NRG4: variants seen among roughly 807,000 people sequenced by gnomAD.
The protein encoded by NRG4 is neuregulin 4.
Under a neutral mutation model 15.0 loss-of-function variants are expected in NRG4, and 10 were observed. The observed-to-expected ratio is 0.67, with a 90% CI of 0.41 to 1.13. The LOEUF (loss-of-function observed/expected upper bound fraction) is 1.13. Among genes scored for constraint, NRG4 ranks in the 50% most tolerant of loss-of-function variants. NRG4 has a pLI of 0.00. For missense variants in NRG4, 139 were observed against 140.2 expected, an observed-to-expected ratio of 0.99 and a Z score of 0.04; for synonymous variants, 41 against 50.1, an observed-to-expected ratio of 0.82 and a Z score of 0.77.
intron 5 of NRG4, among the ~76,000 whole-genome samples, chr15:75,951,388 G>A (rs2031896853): frequency 6.6e-6 from 1 of 151,854 alleles, no homozygotes; most frequent in South Asian, 2.1e-4. Flanking sequence ...GGCTGATCTT[G>A]AACTCCTGAC....
At chr15:75,992,280 T>C (rs1034185541) in intron 3 of NRG4, among the ~76,000 whole-genome samples, 2 of 152,182 alleles carry the variant, frequency 1.3e-5, no homozygotes, top group African/African-American at 4.8e-5. Flanking sequence ...GACAGTTTTA[T>C]ATTTACGCAT....
At chr15:76,022,769 T>C (rs914506844) in intron 5 of NRG4, among the ~76,000 whole-genome samples, 6 of 152,154 alleles carry the variant, frequency 3.9e-5, no homozygotes, top group African/African-American at 1.4e-4. Context: ...CTTTGAAAGC[T>C]TTTTAGCAAG....
intron 3 of NRG4, among the ~76,000 whole-genome samples, chr15:76,003,098 C>G (rs924196555): frequency 6.6e-6 from 1 of 151,990 alleles, no homozygotes; most frequent in African/African-American, 2.4e-5. Context: ...TTCAAAGGAA[C>G]AAAATTGTAA....
intron 3 of NRG4, among the ~76,000 whole-genome samples, chr15:75,984,729 A>G (rs192975391): frequency 1.3e-5 from 2 of 152,308 alleles, no homozygotes; most frequent in African/African-American, 4.8e-5. Context: ...TGGCACGTGT[A>G]TACCTATGTA....
At chr15:75,949,397 A>C (rs926985456) in intron 5 of NRG4, among the ~76,000 whole-genome samples, 4 of 1,586 alleles carry the variant, frequency 2.5e-3, no homozygotes, top group South Asian at 0.12. Context: ...GGTGACAAAA[A>C]AAAAAAAAAA....
intron 5 of NRG4, among the ~76,000 whole-genome samples, chr15:76,023,196 A>T (rs1324011053): frequency 6.6e-6 from 1 of 150,770 alleles, no homozygotes; most frequent in Non-Finnish European, 1.5e-5. Flanking sequence ...GCAAGGACCA[A>T]GGCAATGAAT....
chr15:76,023,117 T>C (rs1208526841), intron 5 of NRG4, among the ~76,000 whole-genome samples: 1 of 144,070 alleles, frequency 6.9e-6, no homozygotes, highest in Non-Finnish European at 1.5e-5. Context: ...TAGAGACACC[T>C]GGCACCCATA....
rs138227805 is a variant in NRG4, at chr15:76,021,869, C to T, written c.-56-10583G>A. Among the ~76,000 whole-genome samples the T allele has an allele frequency of 1.7e-3, 261 of 152,222 alleles. 5 individuals are homozygous for T. The highest frequency in any genetic ancestry group is 5.7e-3 in the African/African-American group (236 of 41,542). On this transcript the variant is annotated intron_variant, in intron 5 of 8. Transcript: ENST00000563910. ...CAGTGGTCCCCAGTCTTTTTGGCACCAGGGACCGGTTTCATGGAAGACAAT... is the reference window on the plus strand; with the variant it reads ...CAGTGGTCCCCAGTCTTTTTGGCACTAGGGACCGGTTTCATGGAAGACAAT...
At chr15:76,059,380 C>T (rs1315921257) in intron 1 of NRG4, among the ~76,000 whole-genome samples, 4 of 152,238 alleles carry the variant, frequency 2.6e-5, no homozygotes, top group Non-Finnish European at 5.9e-5. Flanking sequence ...TGCGTGCCAT[C>T]CGCTCCCTCA....
At chr15:76,000,908 G>A (rs996472479) in intron 3 of NRG4, among the ~76,000 whole-genome samples, 2 of 152,048 alleles carry the variant, frequency 1.3e-5, no homozygotes, top group Non-Finnish European at 2.9e-5. Context: ...ATATTGTTAA[G>A]AAAAAAGAAA....
rs186220883 is a variant in NRG4 at position 75,978,802 on chromosome 15, A to T, written c.105-16828T>A. Reference sequence around the variant, plus strand: ...TCCCCTATGGTTAGCGATGTTGAACATTTTTTTCATCTGTTGGCCATTTAT... The same window carrying T: ...TCCCCTATGGTTAGCGATGTTGAACTTTTTTTTCATCTGTTGGCCATTTAT... On this transcript the variant is annotated intron_variant, in intron 3 of 5. Coordinates refer to ENST00000394907, the MANE Select transcript of NRG4 (RefSeq NM_138573.4). 5.4e-3 allele frequency among the ~76,000 whole-genome samples: 817 copies of T among 151,980 alleles called. 10 individuals are homozygous for T. Among genetic ancestry groups the T allele is most frequent in the African/African-American group, 0.019 (774 of 41,446 alleles).
At chr15:76,020,834 A>G (rs1218685259) in intron 5 of NRG4, among the ~76,000 whole-genome samples, 1 of 152,242 alleles carries the variant, frequency 6.6e-6, no homozygotes, top group Non-Finnish European at 1.5e-5. Context: ...AGGTTGGTTC[A>G]TGAGGTTTAA....
At position 75,947,008 on chromosome 15, in the gene NRG4, A is replaced by G. The variant is rs114290755; in HGVS notation, c.332-3354T>C. On this transcript the variant is annotated intron_variant, in intron 5 of 5. Transcript: ENST00000394907. ...GCTACTGTAAGTAATGCTGCTATTG[A>G]GGCAGGAGAGGTAGTCAAGGAAGTA... 3.8e-3 allele frequency among the ~76,000 whole-genome samples: 582 copies of G among 152,212 alleles called. 3 individuals are homozygous for G. Among genetic ancestry groups the G allele is most frequent in the African/African-American group, 0.013 (540 of 41,514 alleles).
chr15:75,944,978 T>C (rs1203989321), intron 5 of NRG4, among the ~76,000 whole-genome samples: 3 of 152,098 alleles, frequency 2.0e-5, no homozygotes, highest in Non-Finnish European at 4.4e-5. Flanking sequence ...CAAGTATGTC[T>C]TTATAAAGTC....
At chr15:75,986,130 T>G (rs542471497) in intron 3 of NRG4, among the ~76,000 whole-genome samples, 18 of 152,310 alleles carry the variant, frequency 1.2e-4, no homozygotes, top group Non-Finnish European at 1.8e-4. Flanking sequence ...CATATGCTGC[T>G]ATCAGCTTGG....
chr15:75,939,200 G>C (rs335723), downstream of NRG4: 150,641 of 152,142 alleles, frequency 0.99, 74,597 homozygotes, highest in East Asian at 1. Context: ...AAGCCTATGC[G>C]TAGATAGACT....
At chr15:75,964,615 T>TC (rs1411646175) in intron 3 of NRG4, among the ~76,000 whole-genome samples, 1 of 152,196 alleles carries the variant, frequency 6.6e-6, no homozygotes, top group Non-Finnish European at 1.5e-5. Context: ...TTCTTAAGGC[T>TC]GTTTGAGTTT....
intron 3 of NRG4, among the ~76,000 whole-genome samples, chr15:75,986,163 G>A (rs758562945): frequency 9.2e-5 from 14 of 152,130 alleles, no homozygotes; most frequent in Admixed American, 2.6e-4. Flanking sequence ...ATCAGATAAC[G>A]TTTTCATCTA....
intron 5 of NRG4, among the ~76,000 whole-genome samples, chr15:75,953,942 C>T (rs2032067418): frequency 6.6e-6 from 1 of 152,170 alleles, no homozygotes; most frequent in Non-Finnish European, 1.5e-5. Flanking sequence ...CTGCCTCAGC[C>T]TCCCAGAATG....
Sources: allele counts gnomAD v4.1 joint callset (sites outside exome capture counted in the v4.1 genomes callset), GRCh38; gene constraint gnomAD v4.1.1; transcripts MANE v1.5; gene names NCBI Gene and HGNC (gene_info 2026-07-23, HGNC 2026-07-21).